Variants in ELMO3 observed in about 807,000 individuals in gnomAD.
ELMO3 encodes the protein engulfment and cell motility protein 3.
A neutral mutation model predicts 89.0 loss-of-function variants in ELMO3; 81 were observed. The ratio of observed to expected loss-of-function variants is 0.91; its 90% CI spans 0.76 to 1.09. ELMO3 has a LOEUF of 1.09. Among genes scored for constraint, ELMO3 ranks in the 50% least tolerant of loss-of-function variants. The probability of loss-of-function intolerance (pLI) is 0.00; values close to 1 mark genes in which losing one functional copy is unlikely to be tolerated. For synonymous variants in ELMO3, 406 were observed against 400.6 expected, an observed-to-expected ratio of 1.01 and a Z score of -0.16; for missense variants, 959 against 972.8, an observed-to-expected ratio of 0.99 and a Z score of 0.19.
intron 10 of ELMO3, 28 bp downstream of exon 10, chr16:67,201,670 G>C: frequency 1.2e-6 from 2 of 1,609,744 alleles, no homozygotes; most frequent in Non-Finnish European, 1.7e-6. Flanking sequence ...GGACAAGGCA[G>C]GGGGTGGCTT....
intron 8 of ELMO3, 76 bp downstream of exon 8, chr16:67,201,044 C>T: frequency 3.2e-6 from 4 of 1,238,368 alleles, no homozygotes; most frequent in Non-Finnish European, 4.2e-6. Context: ...ATCCTCTAAG[C>T]CCCCCTTTTT....
chr16:67,199,403 A>G lies in ELMO3; in HGVS notation c.77A>G (p.Gln26Arg). 3 of 1,605,876 alleles carry G rather than the reference A, an allele frequency of 1.9e-6. No individual in the cohort carries two copies. The highest frequency in any genetic ancestry group is 2.5e-6 in the Non-Finnish European group (3 of 1,179,586). The change falls in exon 1 of 20, where the codon CAG becomes CGG. Residue 26 changes from glutamine (Q) to arginine (R), a missense_variant and splice_region_variant. By Grantham distance (43) the Gln-to-Arg change is conservative. Transcript: ENST00000393997. ...ATCCCGCAGCTCATCCAGCTGGACC[A>G]GGTCACCCGGCTGGTCCCGCCTCCA... ...DAIPQLIQLD[Q>R]AKPLAAVLKE... is the part of the protein sequence containing the mutation.
chr16:67,202,174 A>T lies in ELMO3; in HGVS notation c.1153-2A>T. On this transcript the variant is annotated splice_acceptor_variant, in intron 12 of 19. Coordinates refer to ENST00000393997, the MANE Select transcript of ELMO3 (RefSeq NM_024712.5). LOFTEE classifies it high-confidence loss of function. ...TCCTTGCCCCATTCTCTGCGCCCCC[A>T]GTTTGTGTTGGAGAACAGCAGCCGC... 6.3e-7 allele frequency: 1 copy of T among 1,599,508 alleles called. No individual in the cohort carries two copies. Among genetic ancestry groups the T allele is most frequent in the Non-Finnish European group, 8.5e-7 (1 of 1,170,808 alleles).
At position 67,200,993 on chromosome 16, in the gene ELMO3, G is replaced by A. The variant is rs575491026; in HGVS notation, c.744+25G>A. On this transcript the variant is annotated intron_variant, in intron 8 of 19. Transcript: ENST00000393997. ...GGTGAGTGTCGATCGGTGGCTAGAT[G>A]GGGGCAGCACCCGGTGGGCGCTGCC... 5 of 1,581,632 alleles carry A rather than the reference G, an allele frequency of 3.2e-6. No individual in the cohort carries two copies. In the South Asian group the frequency reaches 5.8e-5, roughly 18 times the overall value.
Position 67,199,560 on chromosome 16 carries a change from C to G in ELMO3, c.86C>G (p.Pro29Arg). The part of the protein sequence containing the change: ...PQLIQLDQAK[P>R]LAAVLKEVCD... ...TGACCACTCCACTTGCAGGCGAAGC[C>G]CCTGGCCGCTGTGCTGAAGGAGGTG... is the stretch of plus-strand genomic sequence containing the variant. Residue 29 changes from proline (P) to arginine (R), a missense_variant, in exon 2 of 20, where the codon CCC becomes CGC. By Grantham distance (103) the Pro-to-Arg change is moderately radical (BLOSUM62 -2). Coordinates refer to ENST00000393997, the MANE Select transcript of ELMO3 (RefSeq NM_024712.5). 6.2e-7 allele frequency: 1 copy of G among 1,608,074 alleles called. No homozygotes were observed. The highest frequency in any genetic ancestry group is 8.5e-7 in the Non-Finnish European group (1 of 1,179,352).
At position 67,203,534 on chromosome 16, in the gene ELMO3, G is replaced by T. The variant is rs560133039; in HGVS notation, c.1901G>T (p.Arg634Leu). The T allele has an allele frequency of 1.9e-6, 3 of 1,611,350 alleles. No individual in the cohort carries two copies. The highest frequency in any genetic ancestry group is 2.5e-6 in the Non-Finnish European group (3 of 1,178,552). ...YELAFSISYD[R>L]GEEEAYLNFI... is the part of the protein sequence containing the mutation. ...TTGGCCTTCTCAATCAGCTATGACC[G>T]TGGGGAGGAGGAAGCGTACCTCAAC... Residue 634 changes from arginine (R) to leucine (L), a missense_variant, in exon 19 of 20, where the codon CGT becomes CTT. Transcript: ENST00000393997. The surrounding 1 kb of genome is among the most constrained non-coding windows in gnomAD (Gnocchi z 4.6).
chr16:67,202,367 C>G (rs2033135250), intron 13 of ELMO3, 30 bp from the exon 14 acceptor site: 17 of 1,613,674 alleles, frequency 1.1e-5, no homozygotes, highest in Non-Finnish European at 1.4e-5. Context: ...TGCACTTTCT[C>G]CCTGAGCCCC....
At position 67,202,797 on chromosome 16, in the gene ELMO3, C is replaced by A; in HGVS notation, c.1562+7C>A. ...CACTGGCTCCCCCTATACTGTGAGT[C>A]TGGGGGGATGGATCCTCAGTCCTAG... On this transcript the variant is annotated splice_region_variant and intron_variant, in intron 15 of 19. Transcript: ENST00000393997. 1 of 1,612,814 alleles carries A rather than the reference C, an allele frequency of 6.2e-7. No individual in the cohort carries two copies. Among genetic ancestry groups the A allele is most frequent in the Non-Finnish European group, 8.5e-7 (1 of 1,179,516 alleles).
chr16:67,200,611 C>T, intron 6 of ELMO3, 46 bp from the exon 7 acceptor site: 1 of 1,610,094 alleles, frequency 6.2e-7, no homozygotes, highest in Non-Finnish European at 8.5e-7. Flanking sequence ...AGTGGTAGAC[C>T]CGGTCTTCCA....
Position 67,202,459 on chromosome 16 carries a change from C to T in ELMO3, c.1324C>T (p.Leu442Phe), listed in dbSNP as rs1028210656. 6.2e-7 allele frequency: 1 copy of T among 1,613,630 alleles called. No individual in the cohort carries two copies. Among genetic ancestry groups the T allele is most frequent in the Admixed American group, 1.7e-5 (1 of 60,032 alleles). ...FFGQDQSFHE[L>F]FCVGIQLLNK... The stretch of plus-strand genomic sequence containing the variant: ...CGGCCAAGACCAGAGCTTCCACGAG[C>T]TCTTCTGTGTGGGCATCCAGCTGTT... The change falls in exon 14 of 20, where the codon CTC becomes TTC. Residue 442 changes from leucine to phenylalanine, a missense_variant. Physicochemically the swap from Leu to Phe is conservative, Grantham distance 22. Coordinates refer to ENST00000393997, the MANE Select transcript of ELMO3 (RefSeq NM_024712.5).
chr16:67,202,805 A>G lies in ELMO3; in HGVS notation c.1562+15A>G. On this transcript the variant is annotated intron_variant, in intron 15 of 19. Transcript: ENST00000393997. ...CCCCCTATACTGTGAGTCTGGGGGG[A>G]TGGATCCTCAGTCCTAGCCCTACCT... The G allele has an allele frequency of 6.2e-7, 1 of 1,612,148 alleles. No individual in the cohort carries two copies. The highest frequency in any genetic ancestry group is 8.5e-7 in the Non-Finnish European group (1 of 1,179,162).
chr16:67,203,941 A>G lies in ELMO3; in HGVS notation c.*64A>G. The G allele has an allele frequency of 1.6e-5, 21 of 1,348,536 alleles. No individual in the cohort carries two copies. Among genetic ancestry groups the G allele is most frequent in the Non-Finnish European group, 2.1e-5 (21 of 1,002,528 alleles). The allele number at this position is 1,348,536 out of a possible 1,614,324, so 83.5% of individuals were successfully genotyped here. A position where few individuals can be genotyped will look rare whatever the true frequency, so the allele number is the denominator to read the frequency against. On this transcript the variant is annotated 3_prime_UTR_variant, in exon 20 of 20. Transcript: ENST00000393997. This position sits in a 1 kb window ranked among gnomAD's most constrained non-coding sequence, Gnocchi z 4.6. ...AGCAGCCATGAAGGGCAGTGGGTAG[A>G]GGAGTGCAGGCACCCTGACCAGCAG...
Position 67,202,888 on chromosome 16 carries a change from T to A in ELMO3, c.1563-4T>A, listed in dbSNP as rs773315711. On this transcript the variant is annotated splice_polypyrimidine_tract_variant and splice_region_variant and intron_variant, in intron 15 of 19. Coordinates refer to ENST00000393997, the MANE Select transcript of ELMO3 (RefSeq NM_024712.5). ...AGATGTGCTCAGTGACACCCCTCTA[T>A]CAGGGAGCTGCGGGAGAAGCTGAAG... The A allele has an allele frequency of 3.7e-6, 6 of 1,613,032 alleles. 1 individual carries two copies. The highest frequency in any genetic ancestry group is 5.1e-6 in the Non-Finnish European group (6 of 1,179,936).
rs1181256415 is a variant in ELMO3 at position 67,200,063 on chromosome 16, C to G, written c.243+62C>G. On this transcript the variant is annotated intron_variant, in intron 4 of 19. Transcript: ENST00000393997. ...CCCTTTGCTCCAGGTCCAGAGGCCC[C>G]CCGCCCCGGAGGCCCCCGCCCCAGC... 13 of 1,585,574 alleles carry G rather than the reference C, an allele frequency of 8.2e-6. No individual in the cohort carries two copies. The African/African-American group carries it at 1.5e-4, about 18-fold the overall frequency.
Position 67,201,661 on chromosome 16 carries a change from G to T in ELMO3, c.918+19G>T. The T allele has an allele frequency of 6.2e-7, 1 of 1,610,620 alleles. No individual in the cohort carries two copies. Among genetic ancestry groups the T allele is most frequent in the Non-Finnish European group, 8.5e-7 (1 of 1,179,858 alleles). On this transcript the variant is annotated intron_variant, in intron 10 of 19. Transcript: ENST00000393997. ...CAGCCAGGTGTGTGTCTTTGGTGAG[G>T]ACAAGGCAGGGGGTGGCTTAGAGCT... is the stretch of plus-strand genomic sequence containing the variant.
rs773970118 is a variant in ELMO3 at position 67,199,965 on chromosome 16, C to G, written c.207C>G (p.Ile69Met). The G allele has an allele frequency of 3.1e-6, 5 of 1,613,960 alleles. No homozygotes were observed. The South Asian group carries it at 4.4e-5, about 14-fold the overall frequency. Residue 69 changes from isoleucine to methionine, a missense_variant, in exon 4 of 20, where the codon ATC becomes ATG. Coordinates refer to ENST00000393997, the MANE Select transcript of ELMO3 (RefSeq NM_024712.5). ...RYITENNRAE[I>M]KNGSILCLST... ...GTCTTCTCCAGAACCGCGCGGAGATCAAGAATGGCAGCATCCTGTGCCTCA... is the reference window on the plus strand; with the variant it reads ...GTCTTCTCCAGAACCGCGCGGAGATGAAGAATGGCAGCATCCTGTGCCTCA...
At position 67,201,633 on chromosome 16, in the gene ELMO3, C is replaced by G; in HGVS notation, c.909C>G (p.Pro303=). Residue 303 remains proline (P), a synonymous_variant, in exon 10 of 20, where the codon CCC becomes CCG. Coordinates refer to ENST00000393997, the MANE Select transcript of ELMO3 (RefSeq NM_024712.5). ...CGCGCATGCGGACGCCCCTGGACCC[C>G]TACAGCCAGGTGTGTGTCTTTGGTG... is the stretch of plus-strand genomic sequence containing the variant. ...LEPRMRTPLD[P]YSQEQREQLQ... is the part of the protein sequence containing the mutation. The G allele has an allele frequency of 6.2e-7, 1 of 1,612,574 alleles. No individual in the cohort carries two copies. Among genetic ancestry groups the G allele is most frequent in the South Asian group, 1.1e-5 (1 of 91,070 alleles).
chr16:67,202,732 C>T lies in ELMO3; in HGVS notation c.1504C>T (p.Leu502=). The change falls in exon 15 of 20, where the codon CTG becomes TTG. Residue 502 remains leucine, a synonymous_variant. Transcript: ENST00000393997. The stretch of plus-strand genomic sequence containing the variant: ...GAATGCGCTCACTTATGGGGAGGTG[C>T]TGCGGCTGCGGCAGACTGAACGGCT... ...KVNALTYGEV[L]RLRQTERLHQ... 1 of 1,613,632 alleles carries T rather than the reference C, an allele frequency of 6.2e-7. No individual in the cohort carries two copies. Among genetic ancestry groups the T allele is most frequent in the Non-Finnish European group, 8.5e-7 (1 of 1,179,992 alleles).
chr16:67,200,080 C>G (rs1224868042), intron 4 of ELMO3, 79 bp downstream of exon 4: 2 of 1,568,700 alleles, frequency 1.3e-6, no homozygotes, highest in Non-Finnish European at 1.7e-6. Flanking sequence ...CGGAGGCCCC[C>G]GCCCCAGCCC....
Sources: gnomAD v4.1 joint callset for allele counts on GRCh38, gnomAD v4.1.1 for gene constraint, Gnocchi (gnomAD v3.1) non-coding constraint, MANE v1.5 for transcripts, NCBI Gene and HGNC (gene_info 2026-07-23, HGNC 2026-07-21) for gene names.